PRDM15: variants seen among roughly 807,000 people sequenced by gnomAD.
The protein encoded by PRDM15 is PR domain zinc finger protein 15.
PRDM15 carries 64 observed loss-of-function variants against 128.6 expected under a neutral mutation model. That is an observed-to-expected ratio of 0.50 (90% confidence interval 0.41 to 0.61). PRDM15 has a LOEUF of 0.61. Among genes scored for constraint, PRDM15 ranks in the 20% least tolerant of loss-of-function variants. The pLI is 0.00. For missense variants in PRDM15, 1,242 were observed against 1,569.1 expected, an observed-to-expected ratio of 0.79 and a Z score of 3.52; for synonymous variants, 615 against 621.8, an observed-to-expected ratio of 0.99 and a Z score of 0.16.
rs756926245 is a variant in PRDM15 at position 41,801,496 on chromosome 21, C to A, written c.3170G>T (p.Arg1057Leu). The change falls in exon 24 of 24, where the codon CGC becomes CTC. Residue 1057 changes from arginine to leucine, a missense_variant. Transcript: ENST00000398548. ...TVSGSAMLHN[R>L]QNDVQIHPQP... ...GGGGTGGATCTGGACGTCATTTTGG[C>A]GGTTGTGCAACATGGCAGAGCCGCT... 1 of 1,614,168 alleles carries A rather than the reference C, an allele frequency of 6.2e-7. No homozygotes were observed. The highest frequency in any genetic ancestry group is 8.5e-7 in the Non-Finnish European group (1 of 1,180,022).
At chr21:41,819,337 C>T (rs563488555) in intron 18 of PRDM15, among the ~76,000 whole-genome samples, 3 of 150,890 alleles carry the variant, frequency 2.0e-5, no homozygotes, top group Non-Finnish European at 4.4e-5. Context: ...CCACCTTTCC[C>T]ACACTCCCAG....
rs371480422 is a variant in PRDM15 at position 41,861,977 on chromosome 21, T to A, written c.-9-1605A>T. 2.1e-4 allele frequency: 343 copies of A among 1,613,610 alleles called. No homozygotes were observed. The highest frequency in any genetic ancestry group is 2.3e-4 in the Non-Finnish European group (275 of 1,179,864). On this transcript the variant is annotated intron_variant, in intron 1 of 23. Coordinates refer to ENST00000398548, the MANE Select transcript of PRDM15 (RefSeq NM_001040424.3). The stretch of plus-strand genomic sequence containing the variant: ...CTCTAGCAAGTGTGACTCAGTTTCA[T>A]AGCCGCATTCGGCCTTGCCTGCCCC...
chr21:41,823,833 A>AC (rs745710079), intron 13 of PRDM15, among the ~76,000 whole-genome samples: 1 of 152,132 alleles, frequency 6.6e-6, no homozygotes, highest in Admixed American at 6.5e-5. Context: ...AAAGCTAGTT[A>AC]CCCCCTTGGC....
rs2062267681 is a variant in PRDM15 at position 41,821,570 on chromosome 21, C to T, written c.1896+333G>A. Among the ~76,000 whole-genome samples, 5 of 151,940 alleles carry T rather than the reference C, an allele frequency of 3.3e-5. No homozygotes were observed. In the South Asian group the frequency reaches 6.2e-4, roughly 19 times the overall value. ...GGAGGGGAAAAGGGGAGGAGAGAGG[C>T]GCCCCAGCCTGCAGCCAGCACAGCC... is the stretch of plus-strand genomic sequence containing the variant. On this transcript the variant is annotated intron_variant, in intron 15 of 23. Coordinates refer to ENST00000398548, the MANE Select transcript of PRDM15 (RefSeq NM_001040424.3). The surrounding 1 kb of genome is among the most constrained non-coding windows in gnomAD (Gnocchi z 5.4).
At chr21:41,816,024 G>T (rs902979125) in intron 18 of PRDM15, among the ~76,000 whole-genome samples, 188 bp from the exon 19 acceptor site, 1 of 152,238 alleles carries the variant, frequency 6.6e-6, no homozygotes, top group Non-Finnish European at 1.5e-5. Flanking sequence ...CCCAGAGGCC[G>T]GGAGGGACTG....
chr21:41,878,685 A>AC (rs761098544), intron 1 of PRDM15: 2 of 1,545,772 alleles, frequency 1.3e-6, no homozygotes, highest in South Asian at 2.3e-5. Context: ...GGTCTGGGAG[A>AC]CCCCATCACC....
At chr21:41,823,476 G>GC (rs1219389011) in intron 13 of PRDM15, 27 bp from the exon 14 acceptor site, 3 of 1,543,208 alleles carry the variant, frequency 1.9e-6, no homozygotes. Context: ...GCATGGTGAG[G>GC]GGCTGCGGCG....
rs1482334550 is a variant in PRDM15 at position 41,828,967 on chromosome 21, ACACACCACG to A, written c.1367-643_1367-635del. ...ATACACAATCACACACACCACATAC[ACACACCACG>A]CACACATGCCCCACACAAATACACA... On this transcript the variant is annotated intron_variant, in intron 11 of 23. Coordinates refer to ENST00000398548, the MANE Select transcript of PRDM15 (RefSeq NM_001040424.3). The surrounding 1 kb of genome is among the most constrained non-coding windows in gnomAD (Gnocchi z 5.7). Among the ~76,000 whole-genome samples, 1 of 112,392 alleles carries A rather than the reference ACACACCACG, an allele frequency of 8.9e-6. No homozygotes were observed. Among genetic ancestry groups the A allele is most frequent in the Non-Finnish European group, 1.8e-5 (1 of 54,100 alleles). The allele number at this position is 112,392 out of a possible 152,430, so 73.7% of individuals were successfully genotyped here. A position where few individuals can be genotyped will look rare whatever the true frequency, so the allele number is the denominator to read the frequency against.
chr21:41,830,940 G>C (rs113667780), intron 11 of PRDM15, among the ~76,000 whole-genome samples: 2,986 of 152,026 alleles, frequency 0.02, 97 homozygotes, highest in African/African-American at 0.069. Context: ...GCAGCCCCAG[G>C]TCCCCTCGCC....
At chr21:41,837,689 T>G (rs1342278079) in intron 8 of PRDM15, among the ~76,000 whole-genome samples, 1 of 152,222 alleles carries the variant, frequency 6.6e-6, no homozygotes, top group African/African-American at 2.4e-5. Context: ...ATGGTTAAAT[T>G]TATGCATATT....
In PRDM15 at chr21:41,859,502, T is replaced by G; in HGVS notation, c.131+90A>C. The G allele has an allele frequency of 4.8e-6, 5 of 1,038,484 alleles. No individual in the cohort carries two copies. The highest frequency in any genetic ancestry group is 7.2e-6 in the Non-Finnish European group (5 of 695,992). The allele number at this position is 1,038,484 out of a possible 1,614,324, so 64.3% of individuals were successfully genotyped here. A position where few individuals can be genotyped will look rare whatever the true frequency, so the allele number is the denominator to read the frequency against. On this transcript the variant is annotated intron_variant, in intron 3 of 23. Transcript: ENST00000398548. The surrounding 1 kb of genome is among the most constrained non-coding windows in gnomAD (Gnocchi z 5.3). ...AGAGTGCCTCTGTTCTCCCTCAGGC[T>G]CCTTCCTCCCCGTCTGCAGACCCAA...
chr21:41,819,571 C>T lies in PRDM15; in HGVS notation c.2260+11G>A. 6.2e-7 allele frequency: 1 copy of T among 1,610,894 alleles called. No individual in the cohort carries two copies. The highest frequency in any genetic ancestry group is 8.5e-7 in the Non-Finnish European group (1 of 1,179,110). ...CTGAGCCTGGCCCATGTCCCCAGCACCCGTACCCACCTTTCCCACACTCGG... is the reference window on the plus strand; with the variant it reads ...CTGAGCCTGGCCCATGTCCCCAGCATCCGTACCCACCTTTCCCACACTCGG... On this transcript the variant is annotated intron_variant, in intron 18 of 23. Transcript: ENST00000398548.
At position 41,810,442 on chromosome 21, in the gene PRDM15, G is replaced by A. The variant is rs2061828343; in HGVS notation, c.2477-113C>T. 23 of 1,246,158 alleles carry A rather than the reference G, an allele frequency of 1.8e-5. No homozygotes were observed. Among genetic ancestry groups the A allele is most frequent in the South Asian group, 2.9e-5 (2 of 69,628 alleles). The allele number at this position is 1,246,158 out of a possible 1,614,324, so 77.2% of individuals were successfully genotyped here. ...CTGGACGAGGCAAGAAGCCTGTCAC[G>A]CCCCGCCCATCCTGAGAGGGCCGGT... On this transcript the variant is annotated intron_variant, in intron 20 of 23. Coordinates refer to ENST00000398548, the MANE Select transcript of PRDM15 (RefSeq NM_001040424.3). The surrounding 1 kb of genome is among the most constrained non-coding windows in gnomAD (Gnocchi z 6.4).
intron 21 of PRDM15, among the ~76,000 whole-genome samples, chr21:41,807,449 G>A (rs1024463095): frequency 6.6e-6 from 1 of 152,088 alleles, no homozygotes; most frequent in Non-Finnish European, 1.5e-5. Context: ...GGACAGGCTC[G>A]GGGGACCGTT....
In PRDM15 at chr21:41,807,880, C is replaced by T. The variant is rs183052821; in HGVS notation, c.2652+2274G>A. ...TCCTCTTGAGTCACTTGGTTCTGTC[C>T]GGGTTGGGCTTGAGGGGAGTGGGGA... On this transcript the variant is annotated intron_variant, in intron 21 of 23. Transcript: ENST00000398548. Among the ~76,000 whole-genome samples the T allele has an allele frequency of 1.1e-4, 16 of 152,232 alleles. 1 individual carries two copies. Among genetic ancestry groups the T allele is most frequent in the Admixed American group, 8.5e-4 (13 of 15,290 alleles).
chr21:41,875,835 G>A (rs148157201), intron 1 of PRDM15, among the ~76,000 whole-genome samples: 43 of 152,218 alleles, frequency 2.8e-4, no homozygotes, highest in African/African-American at 1.0e-3. Flanking sequence ...AATCATCACC[G>A]CAGTACACTC....
chr21:41,862,360 C>A lies in PRDM15; in HGVS notation c.-9-1988G>T, dbSNP rs746652785. Among the ~76,000 whole-genome samples, 3 of 152,114 alleles carry A rather than the reference C, an allele frequency of 2.0e-5. No homozygotes were observed. In the East Asian group the frequency reaches 5.8e-4, roughly 29 times the overall value. ...GGCCTTGCTTACTTGGGAGCCTGCA[C>A]GAATCCCCTGAGGCCTTGTGTGGCC... On this transcript the variant is annotated intron_variant, in intron 1 of 23. Transcript: ENST00000398548. The surrounding 1 kb of genome is among the most constrained non-coding windows in gnomAD (Gnocchi z 4.1).
At chr21:41,815,427 C>G (rs895396993) in intron 19 of PRDM15, among the ~76,000 whole-genome samples, 42 of 152,344 alleles carry the variant, frequency 2.8e-4, no homozygotes, top group Middle Eastern at 3.4e-3. Context: ...GAGGGGGAAA[C>G]AGCTGAACGG....
intron 13 of PRDM15, among the ~76,000 whole-genome samples, chr21:41,824,488 A>G (rs2062396898): frequency 6.6e-6 from 1 of 151,980 alleles, no homozygotes; most frequent in Non-Finnish European, 1.5e-5. Context: ...GTGTTTATTC[A>G]ATAAACACTG....
Sources: gnomAD v4.1 joint callset for allele counts (sites outside exome capture counted in the v4.1 genomes callset) on GRCh38, gnomAD v4.1.1 for gene constraint, Gnocchi (gnomAD v3.1) non-coding constraint, MANE v1.5 for transcripts, NCBI Gene and HGNC (gene_info 2026-07-23, HGNC 2026-07-21) for gene names.